Variants in NCKAP5 observed in about 807,000 individuals in gnomAD.
NCKAP5 encodes the protein NCK associated protein 5.
A neutral mutation model predicts 167.0 loss-of-function variants in NCKAP5; 92 were observed. The ratio of observed to expected loss-of-function variants is 0.55; its 90% CI spans 0.47 to 0.66. NCKAP5 has a LOEUF of 0.66. NCKAP5 is among the 30% of genes least tolerant of loss of function. The pLI is 0.00. For missense variants in NCKAP5, 2,378 were observed against 2,315.0 expected, an observed-to-expected ratio of 1.03 and a Z score of -0.56; for synonymous variants, 891 against 877.4, an observed-to-expected ratio of 1.02 and a Z score of -0.27.
At chr2:133,479,870 G>A (rs550315671) in intron 3 of NCKAP5, among the ~76,000 whole-genome samples, 2 of 152,004 alleles carry the variant, frequency 1.3e-5, no homozygotes, top group African/African-American at 2.4e-5. Flanking sequence ...ATGTCACTCT[G>A]AGAAACTTAG....
At chr2:133,379,846 T>G (rs1414310686) in intron 3 of NCKAP5, among the ~76,000 whole-genome samples, 1 of 152,182 alleles carries the variant, frequency 6.6e-6, no homozygotes, top group Non-Finnish European at 1.5e-5. Flanking sequence ...TGTAAGATAT[T>G]CTGTGAGAAG....
intron 4 of NCKAP5, among the ~76,000 whole-genome samples, chr2:133,290,702 A>T (rs947222736): frequency 2.0e-5 from 3 of 150,338 alleles, no homozygotes; most frequent in Non-Finnish European, 4.4e-5. Flanking sequence ...ATCCCTAATG[A>T]ACATATGAGG....
intron 8 of NCKAP5, among the ~76,000 whole-genome samples, chr2:132,909,807 A>G (rs76258297): frequency 1.7e-3 from 265 of 152,314 alleles, no homozygotes; most frequent in Non-Finnish European, 3.2e-3. Context: ...TCACCATGTA[A>G]CCAAAATCTC....
chr2:133,661,122 T>C, the NCKAP5 span, among the ~76,000 whole-genome samples: 1 of 152,072 alleles, frequency 6.6e-6, no homozygotes, highest in Non-Finnish European at 1.5e-5. Flanking sequence ...TTGGGCACAA[T>C]CTCTTAGAGC....
chr2:133,033,137 C>T (rs952328950), intron 6 of NCKAP5, among the ~76,000 whole-genome samples: 1 of 152,220 alleles, frequency 6.6e-6, no homozygotes, highest in Non-Finnish European at 1.5e-5. Flanking sequence ...ACTCCACTCC[C>T]AGCTTTAGGT....
intron 8 of NCKAP5, among the ~76,000 whole-genome samples, chr2:132,934,940 A>G (rs1334317919): frequency 1.3e-5 from 2 of 152,162 alleles, no homozygotes; most frequent in Non-Finnish European, 2.9e-5. Context: ...AGCTGCCCTA[A>G]TTTGTCTTAT....
intron 8 of NCKAP5, among the ~76,000 whole-genome samples, chr2:132,920,781 A>ATGTATGTGTGTG (rs1384191821): frequency 6.5e-5 from 3 of 46,102 alleles, no homozygotes; most frequent in African/African-American, 3.1e-4. Flanking sequence ...GTATATATAT[A>ATGTATGTGTGTG]TATATATATA....
chr2:133,043,227 T>G (rs2079273239), intron 6 of NCKAP5, among the ~76,000 whole-genome samples: 1 of 152,160 alleles, frequency 6.6e-6, no homozygotes, highest in African/African-American at 2.4e-5. Flanking sequence ...TTAGAAGAGT[T>G]TAAAAATACC....
the NCKAP5 span, among the ~76,000 whole-genome samples, chr2:133,656,885 C>T: frequency 5.3e-5 from 8 of 152,088 alleles, no homozygotes; most frequent in East Asian, 1.4e-3. Flanking sequence ...AAGCAGTATA[C>T]ATTGCACCAT....
chr2:133,486,856 C>T (rs918825299), intron 3 of NCKAP5, among the ~76,000 whole-genome samples: 1 of 152,254 alleles, frequency 6.6e-6, no homozygotes, highest in African/African-American at 2.4e-5. Flanking sequence ...TTCAACGGGT[C>T]ATTGTATTTC....
chr2:133,226,211 G>A (rs2086882493), intron 4 of NCKAP5, among the ~76,000 whole-genome samples: 1 of 152,074 alleles, frequency 6.6e-6, no homozygotes, highest in South Asian at 2.1e-4. Flanking sequence ...CAAGTGCTGG[G>A]TTTATAGGCA....
intron 3 of NCKAP5, among the ~76,000 whole-genome samples, chr2:133,446,136 T>C (rs149226948): frequency 1.3e-5 from 2 of 152,062 alleles, no homozygotes; most frequent in African/African-American, 4.8e-5. Context: ...GAAGAATTAA[T>C]ATAGCAACCA....
intron 3 of NCKAP5, among the ~76,000 whole-genome samples, chr2:133,393,743 G>A (rs1237946526): frequency 6.6e-6 from 1 of 152,174 alleles, no homozygotes; most frequent in Admixed American, 6.5e-5. Context: ...TTCCTGCCAT[G>A]GGAGTCCTTT....
At chr2:133,068,024 C>T (rs2080257608) in intron 6 of NCKAP5, among the ~76,000 whole-genome samples, 1 of 152,106 alleles carries the variant, frequency 6.6e-6, no homozygotes, top group South Asian at 2.1e-4. Context: ...TGTCTCTTCA[C>T]CTGATGGCAA....
At chr2:133,159,224 G>A (rs1370805038) in intron 5 of NCKAP5, among the ~76,000 whole-genome samples, 1 of 152,106 alleles carries the variant, frequency 6.6e-6, no homozygotes, top group African/African-American at 2.4e-5. Context: ...ACTGAAGAGA[G>A]GCCTTTAGGA....
At chr2:132,991,362 C>G (rs2149300805) in intron 7 of NCKAP5, among the ~76,000 whole-genome samples, 1 of 152,056 alleles carries the variant, frequency 6.6e-6, no homozygotes, top group South Asian at 2.1e-4. Flanking sequence ...TGCAAATTCC[C>G]CAATTAAAAA....
intron 12 of NCKAP5, among the ~76,000 whole-genome samples, chr2:132,794,596 A>G (rs567993966): frequency 6.6e-6 from 1 of 151,396 alleles, no homozygotes; most frequent in East Asian, 2.0e-4. Flanking sequence ...AGATCATGCC[A>G]CTGTACTCCA....
intron 11 of NCKAP5, among the ~76,000 whole-genome samples, chr2:132,805,054 T>C (rs962741745): frequency 6.6e-6 from 1 of 152,120 alleles, no homozygotes; most frequent in Non-Finnish European, 1.5e-5. Context: ...GTTGCCTTGG[T>C]GATTTTCCTT....
intron 3 of NCKAP5, among the ~76,000 whole-genome samples, chr2:133,406,010 G>A (rs905776658): frequency 2.6e-5 from 4 of 152,186 alleles, no homozygotes; most frequent in Non-Finnish European, 4.4e-5. Flanking sequence ...TATAATCCCC[G>A]AATTGAAGAT....
Sources: allele counts gnomAD v4.1 joint callset (sites outside exome capture counted in the v4.1 genomes callset), GRCh38; gene constraint gnomAD v4.1.1; transcripts MANE v1.5; gene names NCBI Gene and HGNC (gene_info 2026-07-23, HGNC 2026-07-21).